SLC5A10: variants seen among roughly 807,000 people sequenced by gnomAD.
The protein encoded by SLC5A10 is sodium/mannose cotransporter SLC5A10.
SLC5A10 carries 55 observed loss-of-function variants against 68.9 expected under a neutral mutation model. The observed-to-expected ratio is 0.80, with a 90% CI of 0.64 to 1.00. SLC5A10 has a LOEUF of 1.00. SLC5A10 is among the 50% of genes least tolerant of loss of function. The pLI, the probability that SLC5A10 is intolerant of heterozygous loss-of-function variation, is 0.00. For missense variants in SLC5A10, 732 were observed against 819.3 expected, an observed-to-expected ratio of 0.89 and a Z score of 1.30; for synonymous variants, 344 against 344.8, an observed-to-expected ratio of 1.00 and a Z score of 0.02.
At position 18,968,162 on chromosome 17, in the gene SLC5A10, C is replaced by T. The variant is rs762681840; in HGVS notation, c.454-890C>T. ...CCTGGGGCCTGCACTTCCTGGGCCT[C>T]GTGCAGATGTGTCCCCACACTAGGA... On this transcript the variant is annotated intron_variant, in intron 5 of 14. Coordinates refer to ENST00000395645, the MANE Select transcript of SLC5A10 (RefSeq NM_001042450.4). This position sits in a 1 kb window ranked among gnomAD's most constrained non-coding sequence, Gnocchi z 4.1. 7.9e-5 allele frequency among the ~76,000 whole-genome samples: 12 copies of T among 152,164 alleles called. No homozygotes were observed. The highest frequency in any genetic ancestry group is 4.1e-4 in the South Asian group (2 of 4,830).
chr17:18,956,465 G>GTTTTTTTTTTTTTTTTTTTCTT (rs2042504101), intron 1 of SLC5A10, among the ~76,000 whole-genome samples: 1 of 98,010 alleles, frequency 1.0e-5, no homozygotes, highest in African/African-American at 3.8e-5. Context: ...TTTTCTTTCT[G>GTTTTTTTTTTTTTTTTTTTCTT]TTTTTTTTTT....
intron 9 of SLC5A10, chr17:18,978,949 A>G: frequency 7.3e-7 from 1 of 1,366,518 alleles, no homozygotes; most frequent in Non-Finnish European, 1.0e-6. Flanking sequence ...CTGTGGCCAC[A>G]GGGCCCTGGG....
intron 9 of SLC5A10, among the ~76,000 whole-genome samples, chr17:18,983,315 G>A (rs531539093): frequency 3.9e-5 from 6 of 152,252 alleles, no homozygotes; most frequent in Non-Finnish European, 8.8e-5. Flanking sequence ...GAGGCCCAGA[G>A]AGGTGGAACC....
Position 19,013,528 on chromosome 17 carries a change from GTGGGTGGGGGTC to G in SLC5A10, c.1090+19_1090+30del. 1 of 1,457,120 alleles carries G rather than the reference GTGGGTGGGGGTC, an allele frequency of 6.9e-7. No individual in the cohort carries two copies. Among genetic ancestry groups the G allele is most frequent in the Non-Finnish European group, 9.1e-7 (1 of 1,103,166 alleles). 90.3% of individuals were successfully genotyped at this position (1,457,120 alleles called of 1,614,324 possible). A position where few individuals can be genotyped will look rare whatever the true frequency, so the allele number is the denominator to read the frequency against. On this transcript the variant is annotated intron_variant, in intron 10 of 14. Transcript: ENST00000395645. ...AACTGATGCCCATCGGTGAGGCTGT[GTGGGTGGGGGTC>G]TGGGTGGAGGGCGTGGGGTTGGACT...
Position 19,003,635 on chromosome 17 carries a change from G to A in SLC5A10, c.983-9775G>A. On this transcript the variant is annotated intron_variant, in intron 9 of 14. Transcript: ENST00000395645. This position sits in a 1 kb window ranked among gnomAD's most constrained non-coding sequence, Gnocchi z 4.5. ...CACGCCGCGGTAGGCGATGGTGTCG[G>A]GCCAGCCCAGGTCCAGCTGCGGGAT... The A allele has an allele frequency of 6.2e-7, 1 of 1,612,432 alleles. No individual in the cohort carries two copies. Among genetic ancestry groups the A allele is most frequent in the Non-Finnish European group, 8.5e-7 (1 of 1,179,610 alleles).
At position 18,976,941 on chromosome 17, in the gene SLC5A10, A is replaced by G; in HGVS notation, c.934A>G (p.Met312Val). The G allele has an allele frequency of 6.2e-7, 1 of 1,613,312 alleles. No homozygotes were observed. The highest frequency in any genetic ancestry group is 8.5e-7 in the Non-Finnish European group (1 of 1,179,800). Reference sequence around the variant, plus strand: ...GGCCAGCTACCTCAAGATGCTCCCCATGGGCCTGATCATCATGCCGGGCAT... The same window carrying G: ...GGCCAGCTACCTCAAGATGCTCCCCGTGGGCCTGATCATCATGCCGGGCAT... ...ILASYLKMLP[M>V]GLIIMPGMIS... Residue 312 changes from methionine (M) to valine (V), a missense_variant, in exon 9 of 15, where the codon ATG becomes GTG. Physicochemically the swap from Met to Val is conservative, Grantham distance 21. Transcript: ENST00000395645.
chr17:19,014,406 C>A (rs2044085950), intron 10 of SLC5A10, among the ~76,000 whole-genome samples: 1 of 152,212 alleles, frequency 6.6e-6, no homozygotes, highest in South Asian at 2.1e-4. Flanking sequence ...CTCACTCCCA[C>A]TCTGGAAAAC....
intron 5 of SLC5A10, among the ~76,000 whole-genome samples, chr17:18,966,406 C>T (rs895552093): frequency 1.6e-4 from 25 of 152,146 alleles, no homozygotes; most frequent in Admixed American, 5.2e-4. Flanking sequence ...AGAGTTTTGC[C>T]TCCATGGGCA....
intron 8 of SLC5A10, among the ~76,000 whole-genome samples, chr17:18,973,253 C>T (rs148805314): frequency 0.016 from 2,421 of 152,364 alleles, 35 homozygotes; most frequent in Non-Finnish European, 0.023. Flanking sequence ...CTGGGTGGAA[C>T]ATCAGTCAGG....
intron 8 of SLC5A10, among the ~76,000 whole-genome samples, chr17:18,972,626 G>A (rs2042882985): frequency 6.6e-6 from 1 of 152,166 alleles, no homozygotes; most frequent in Admixed American, 6.5e-5. Context: ...ACTTTGGGAG[G>A]CTGACATGGG....
At chr17:18,980,440 G>A (rs2043102064) in intron 9 of SLC5A10, among the ~76,000 whole-genome samples, 1 of 152,170 alleles carries the variant, frequency 6.6e-6, no homozygotes, top group African/African-American at 2.4e-5. Context: ...CCTTGGGCAT[G>A]AGGAGCACAG....
At chr17:18,978,690 T>C (rs755655474) in intron 9 of SLC5A10, 29 of 1,612,898 alleles carry the variant, frequency 1.8e-5, no homozygotes, top group Non-Finnish European at 2.5e-5. Flanking sequence ...GGCAGCACAA[T>C]AGGCTCCGGC....
intron 9 of SLC5A10, among the ~76,000 whole-genome samples, chr17:18,991,067 C>T (rs1251843434): frequency 1.3e-5 from 2 of 152,148 alleles, no homozygotes; most frequent in African/African-American, 4.8e-5. Flanking sequence ...CACAAGCACA[C>T]CGGGAGGCAG....
Position 18,969,149 on chromosome 17 carries a change from C to A in SLC5A10, c.551C>A (p.Thr184Asn), listed in dbSNP as rs747213031. ...ILTLGITALY[T>N]IAGGLAAVIY... ...ACGCTCGGCATCACAGCCCTGTACACCATCGCAGGTATGGTGCCTGCAGCA... is the reference window on the plus strand; with the variant it reads ...ACGCTCGGCATCACAGCCCTGTACAACATCGCAGGTATGGTGCCTGCAGCA... The change falls in exon 6 of 15, where the codon ACC becomes AAC. Residue 184 changes from threonine to asparagine, a missense_variant. Thr to Asn is a moderately conservative substitution (Grantham distance 65). Coordinates refer to ENST00000395645, the MANE Select transcript of SLC5A10 (RefSeq NM_001042450.4). The A allele has an allele frequency of 3.7e-6, 6 of 1,613,758 alleles. No individual in the cohort carries two copies. The African/African-American group carries it at 6.7e-5, about 18-fold the overall frequency.
intron 9 of SLC5A10, among the ~76,000 whole-genome samples, chr17:18,992,079 G>A (rs1438030497): frequency 6.6e-6 from 1 of 152,130 alleles, no homozygotes; most frequent in Non-Finnish European, 1.5e-5. Flanking sequence ...CCTCTCCCTG[G>A]GGGCTCCTGG....
upstream of SLC5A10, chr17:18,951,003 G>A (rs2042360219): frequency 6.6e-6 from 1 of 152,272 alleles, no homozygotes; most frequent in African/African-American, 2.4e-5. Context: ...AAGGGCATGA[G>A]CCACTGCTCC....
intron 5 of SLC5A10, among the ~76,000 whole-genome samples, chr17:18,966,762 A>AC (rs1296503424): frequency 6.6e-6 from 1 of 151,292 alleles, no homozygotes; most frequent in African/African-American, 2.4e-5. Flanking sequence ...AAAAAAAAAA[A>AC]AAAACAACAC....
chr17:18,977,476 A>T, intron 9 of SLC5A10: 1 of 1,114,836 alleles, frequency 9.0e-7, no homozygotes, highest in Non-Finnish European at 1.3e-6. Context: ...AAGGGAATTG[A>T]AGTCATCAGA....
intron 9 of SLC5A10, among the ~76,000 whole-genome samples, chr17:19,010,709 G>A (rs993824237): frequency 2.0e-5 from 3 of 152,154 alleles, no homozygotes; most frequent in Non-Finnish European, 2.9e-5. Flanking sequence ...TGGGTCCTCC[G>A]AGTGCCAGTC....
Sources: allele counts gnomAD v4.1 joint callset (sites outside exome capture counted in the v4.1 genomes callset), GRCh38; gene constraint gnomAD v4.1.1; non-coding constraint Gnocchi (gnomAD v3.1); transcripts MANE v1.5; gene names NCBI Gene and HGNC (gene_info 2026-07-23, HGNC 2026-07-21).